Variants in ALG1L2 observed in about 807,000 individuals in gnomAD.
ALG1L2 encodes ALG1 chitobiosyldiphosphodolichol beta-mannosyltransferase like 2.
ALG1L2 carries 32 observed loss-of-function variants against 29.0 expected under a neutral mutation model. The ratio of observed to expected loss-of-function variants is 1.10; its 90% CI spans 0.83 to 1.48. The LOEUF (loss-of-function observed/expected upper bound fraction) is 1.48, where lower values mean the gene tolerates loss of function less well. Among genes scored for constraint, ALG1L2 ranks in the 40% most tolerant of loss-of-function variants. The pLI is 0.00. For missense variants in ALG1L2, 318 were observed against 274.1 expected, an observed-to-expected ratio of 1.16 and a Z score of -1.13; for synonymous variants, 110 against 109.5, an observed-to-expected ratio of 1.00 and a Z score of -0.03.
At chr3:130,093,222 A>C (rs2108121895) in intron 4 of ALG1L2, 62 bp downstream of exon 4, 2 of 1,555,582 alleles carry the variant, frequency 1.3e-6, no homozygotes, top group Non-Finnish European at 1.8e-6. Flanking sequence ...AGGGGCACAC[A>C]GCCTTTACCC....
At chr3:130,087,135 C>G (rs931361670) in intron 1 of ALG1L2, among the ~76,000 whole-genome samples, 1 of 148,060 alleles carries the variant, frequency 6.8e-6, no homozygotes, top group Non-Finnish European at 1.5e-5. Context: ...TGAAATGAAC[C>G]TGCTCCCACC....
chr3:130,090,522 G>A (rs138260108), intron 1 of ALG1L2, among the ~76,000 whole-genome samples: 930 of 152,384 alleles, frequency 6.1e-3, no homozygotes, highest in African/African-American at 0.021. Flanking sequence ...TGCAGATATT[G>A]TGAGATAATG....
chr3:130,089,622 C>T (rs1934966555), intron 1 of ALG1L2: 1 of 152,218 alleles, frequency 6.6e-6, no homozygotes, highest in African/African-American at 2.4e-5. Context: ...TTTACTTTTT[C>T]TAATGTGGTG....
chr3:130,083,070 T>A (rs1934821830), intron 1 of ALG1L2, among the ~76,000 whole-genome samples: 1 of 132,344 alleles, frequency 7.6e-6, no homozygotes, highest in African/African-American at 2.5e-5. Flanking sequence ...TAGTTGTTTT[T>A]CCTTTCAATT....
At chr3:130,084,344 A>T (rs1469348262) in intron 1 of ALG1L2, among the ~76,000 whole-genome samples, 1 of 148,388 alleles carries the variant, frequency 6.7e-6, no homozygotes, top group East Asian at 2.0e-4. Context: ...GAGATGGGAC[A>T]GCAAAGAAGG....
intron 1 of ALG1L2, among the ~76,000 whole-genome samples, chr3:130,086,613 G>C (rs1256758507): frequency 2.0e-5 from 3 of 149,412 alleles, no homozygotes; most frequent in Non-Finnish European, 3.0e-5. Flanking sequence ...GGAGGTCAAG[G>C]CTGCAGTGAC....
Position 130,098,230 on chromosome 3 carries a change from C to G in ALG1L2, c.623C>G (p.Ala208Gly), listed in dbSNP as rs1935189474. The change falls in exon 8 of 8, where the codon GCA becomes GGA. Residue 208 changes from alanine (A) to glycine (G), a missense_variant. By Grantham distance (60) the Ala-to-Gly change is moderately conservative. Transcript: ENST00000425059. Reference protein sequence around the residue: ...EELAAQLQYFADAFLKLS With the variant: ...EELAAQLQYFGDAFLKLS Reference sequence around the variant, plus strand: ...GTAAGCTCTGCTCTTCAGTATTTTGCAGATGCTTTTCTCAAACTTTCCTGA... The same window carrying G: ...GTAAGCTCTGCTCTTCAGTATTTTGGAGATGCTTTTCTCAAACTTTCCTGA... 1 of 1,596,290 alleles carries G rather than the reference C, an allele frequency of 6.3e-7. No individual in the cohort carries two copies. Among genetic ancestry groups the G allele is most frequent in the Admixed American group, 1.7e-5 (1 of 59,982 alleles).
intron 1 of ALG1L2, among the ~76,000 whole-genome samples, chr3:130,090,020 G>C (rs1244851901): frequency 6.6e-6 from 1 of 152,236 alleles, no homozygotes; most frequent in Non-Finnish European, 1.5e-5. Flanking sequence ...CCAGCCTGGG[G>C]GACAAAAGTG....
intron 4 of ALG1L2, 186 bp from the exon 5 acceptor site, chr3:130,094,217 C>A: frequency 1.5e-6 from 1 of 677,402 alleles, no homozygotes; most frequent in African/African-American, 1.8e-5. Flanking sequence ...TCAGGGTGCA[C>A]ATACCCCTGC....
chr3:130,084,245 G>T (rs1269132332), intron 1 of ALG1L2, among the ~76,000 whole-genome samples: 1 of 150,716 alleles, frequency 6.6e-6, no homozygotes, highest in South Asian at 2.1e-4. Flanking sequence ...ATAGCTCGAG[G>T]CCAGGAGTTC....
chr3:130,097,392 A>C, intron 7 of ALG1L2, 142 bp downstream of exon 7: 1 of 1,370,144 alleles, frequency 7.3e-7, no homozygotes, highest in Non-Finnish European at 9.7e-7. Flanking sequence ...CAGAAGTCAC[A>C]GAGGCTGGCC....
chr3:130,095,754 G>A (rs1040432151), intron 5 of ALG1L2, among the ~76,000 whole-genome samples: 19 of 152,264 alleles, frequency 1.2e-4, no homozygotes, highest in African/African-American at 4.6e-4. Flanking sequence ...AGGTTGCAAT[G>A]AGCTGAGATT....
intron 7 of ALG1L2, 150 bp from the exon 8 acceptor site, chr3:130,098,073 G>C: frequency 9.2e-7 from 1 of 1,083,746 alleles, no homozygotes; most frequent in Non-Finnish European, 1.3e-6. Context: ...AGATGGAGGC[G>C]GAGCGCTGCT....
At chr3:130,086,445 T>C (rs1322667375) in intron 1 of ALG1L2, among the ~76,000 whole-genome samples, 11 of 150,576 alleles carry the variant, frequency 7.3e-5, no homozygotes, top group African/African-American at 2.4e-4. Context: ...GGCGGGAGGA[T>C]CCCTTGAAGC....
intron 1 of ALG1L2, among the ~76,000 whole-genome samples, chr3:130,084,242 G>A (rs185277099): frequency 2.3e-3 from 349 of 150,794 alleles, no homozygotes; most frequent in African/African-American, 7.5e-3. Flanking sequence ...AGGATAGCTC[G>A]AGGCCAGGAG....
intron 1 of ALG1L2, among the ~76,000 whole-genome samples, chr3:130,087,448 C>G (rs1169044298): frequency 1.3e-5 from 2 of 149,618 alleles, no homozygotes; most frequent in Admixed American, 6.8e-5. Flanking sequence ...CTGGGATGAT[C>G]GTTTGCTCCA....
At chr3:130,090,502 T>C (rs1198028974) in intron 1 of ALG1L2, among the ~76,000 whole-genome samples, 1 of 152,310 alleles carries the variant, frequency 6.6e-6, no homozygotes, top group Non-Finnish European at 1.5e-5. Flanking sequence ...TTCCTTCAGG[T>C]TCACTAAAAT....
intron 1 of ALG1L2, among the ~76,000 whole-genome samples, chr3:130,084,277 G>A (rs1934845153): frequency 6.9e-6 from 1 of 145,498 alleles, no homozygotes; most frequent in African/African-American, 2.5e-5. Flanking sequence ...GCACAACATA[G>A]CGAGACCCCA....
intron 6 of ALG1L2, 116 bp from the exon 7 acceptor site, chr3:130,097,059 C>A: frequency 1.3e-6 from 2 of 1,514,344 alleles, no homozygotes; most frequent in Non-Finnish European, 8.8e-7. Flanking sequence ...AGCCACACAC[C>A]CTGTTCCAAC....
Sources: gnomAD v4.1 joint callset for allele counts (sites outside exome capture counted in the v4.1 genomes callset) on GRCh38, gnomAD v4.1.1 for gene constraint, MANE v1.5 for transcripts, NCBI Gene and HGNC (gene_info 2026-07-23, HGNC 2026-07-21) for gene names.